Variants in PRKAR2B observed in about 807,000 individuals in gnomAD.
PRKAR2B encodes protein kinase cAMP-dependent type II regulatory subunit beta, also known as cAMP-dependent protein kinase type II-beta regulatory subunit.
A neutral mutation model predicts 49.9 loss-of-function variants in PRKAR2B; 14 were observed. The observed-to-expected ratio is 0.28, with a 90% confidence interval of 0.19 to 0.44. PRKAR2B has a LOEUF of 0.44. Among genes scored for constraint, PRKAR2B ranks in the 20% least tolerant of loss-of-function variants. The pLI is 1.00. For missense variants in PRKAR2B, 393 were observed against 537.9 expected (o/e 0.73, Z 2.67); for synonymous variants, 196 against 197.7 (o/e 0.99, Z 0.07).
chr7:107,146,214 A>C, intron 5 of PRKAR2B, 94 bp from the exon 6 acceptor site: 1 of 1,305,998 alleles, frequency 7.7e-7, no homozygotes, highest in Non-Finnish European at 1.1e-6. Context: ...GGCTGGAAAT[A>C]AGATTTTTAT....
chr7:107,128,140 A>T, intron 3 of PRKAR2B, 72 bp from the exon 4 acceptor site: 2 of 982,632 alleles, frequency 2.0e-6, no homozygotes, highest in Non-Finnish European at 1.6e-6. Context: ...GATTTTTGTT[A>T]GTTTTTAAAA....
chr7:107,078,029 C>G (rs1794434084), intron 2 of PRKAR2B: 1 of 152,100 alleles, frequency 6.6e-6, no homozygotes, highest in South Asian at 2.1e-4. Context: ...TGACAAAACC[C>G]TGTCTCTGCT....
intron 10 of PRKAR2B, 118 bp downstream of exon 10, chr7:107,157,442 TAAC>T: frequency 7.6e-7 from 1 of 1,323,318 alleles, no homozygotes; most frequent in Non-Finnish European, 1.0e-6. Context: ...CCACAAAAGG[TAAC>T]AAGATTAGGA....
chr7:107,051,069 G>A (rs1252798581), intron 1 of PRKAR2B, among the ~76,000 whole-genome samples: 1 of 152,164 alleles, frequency 6.6e-6, no homozygotes, highest in Non-Finnish European at 1.5e-5. Flanking sequence ...GTTAATAGAT[G>A]GGGCAGGTGA....
intron 2 of PRKAR2B, among the ~76,000 whole-genome samples, chr7:107,080,397 T>G (rs1423868600): frequency 1.3e-5 from 2 of 152,110 alleles, no homozygotes; most frequent in African/African-American, 4.8e-5. Flanking sequence ...AGGGTAGTAA[T>G]GGACAGAAGG....
At chr7:107,104,638 C>G (rs538045088) in intron 2 of PRKAR2B, among the ~76,000 whole-genome samples, 2 of 152,218 alleles carry the variant, frequency 1.3e-5, no homozygotes, top group Non-Finnish European at 2.9e-5. Flanking sequence ...TACCTTATTT[C>G]TTTTGCCAAT....
Position 107,044,994 on chromosome 7 carries a change from G to T in PRKAR2B, c.87G>T (p.Leu29=). ...TGAGGCACCAGCCCGCGGACCTGCT[G>T]GAGTTCGCGCTGCAGCACTTCACCC... ...EVLRHQPADL[L]EFALQHFTRL... Residue 29 remains leucine, a synonymous_variant, in exon 1 of 11, where the codon CTG becomes CTT. Coordinates refer to ENST00000265717, the MANE Select transcript of PRKAR2B (RefSeq NM_002736.3). The T allele has an allele frequency of 6.4e-7, 1 of 1,560,286 alleles. No homozygotes were observed.
At chr7:107,122,620 TC>T (rs989113311) in intron 3 of PRKAR2B, among the ~76,000 whole-genome samples, 2 of 152,000 alleles carry the variant, frequency 1.3e-5, no homozygotes, top group African/African-American at 4.8e-5. Context: ...TGCGTCACCC[TC>T]CCCCCCTTTT....
Position 107,134,022 on chromosome 7 carries a change from GT to G in PRKAR2B, c.480+5736del, listed in dbSNP as rs367840396. Among the ~76,000 whole-genome samples, 571 of 150,844 alleles carry G rather than the reference GT, an allele frequency of 3.8e-3. 5 individuals carry two copies. The highest frequency in any genetic ancestry group is 0.014 in the African/African-American group (558 of 41,210). Reference sequence around the variant, plus strand: ...CAGAATAGACATACTGTTATGCCCTGTTTTTTTTTGTTGTTGTTGTTGTTTT... The same window carrying G: ...CAGAATAGACATACTGTTATGCCCTGTTTTTTTTGTTGTTGTTGTTGTTTT... On this transcript the variant is annotated intron_variant, in intron 4 of 10. Coordinates refer to ENST00000265717, the MANE Select transcript of PRKAR2B (RefSeq NM_002736.3).
Position 107,044,888 on chromosome 7 carries a change from C to A in PRKAR2B, c.-20C>A. ...AGGGGGCGAGGGCGGCGCCCAGGCG[C>A]CTGCCGCCCCGGAGGCAGGATGAGC... is the stretch of plus-strand genomic sequence containing the variant. On this transcript the variant is annotated 5_prime_UTR_variant, in exon 1 of 11. Coordinates refer to ENST00000265717, the MANE Select transcript of PRKAR2B (RefSeq NM_002736.3). 6.3e-7 allele frequency: 1 copy of A among 1,575,288 alleles called. No homozygotes were observed. The highest frequency in any genetic ancestry group is 1.2e-5 in the South Asian group (1 of 86,872).
At chr7:107,082,831 A>T (rs1284450413) in intron 2 of PRKAR2B, among the ~76,000 whole-genome samples, 2 of 152,120 alleles carry the variant, frequency 1.3e-5, no homozygotes, top group Non-Finnish European at 2.9e-5. Flanking sequence ...TCCTGAGCTC[A>T]AAGAATCCAG....
At chr7:107,048,022 A>G (rs984644496) in intron 1 of PRKAR2B, among the ~76,000 whole-genome samples, 1 of 152,132 alleles carries the variant, frequency 6.6e-6, no homozygotes, top group Admixed American at 6.5e-5. Context: ...AAATGCTTTA[A>G]TTTTTTTGTC....
chr7:107,152,797 G>A (rs144804452), intron 7 of PRKAR2B, among the ~76,000 whole-genome samples: 1 of 152,330 alleles, frequency 6.6e-6, no homozygotes, highest in African/African-American at 2.4e-5. Context: ...CTTTAAATAA[G>A]AGTAGGTCAG....
intron 2 of PRKAR2B, among the ~76,000 whole-genome samples, chr7:107,072,691 A>G (rs770039474): frequency 3.3e-5 from 5 of 152,216 alleles, no homozygotes; most frequent in Non-Finnish European, 5.9e-5. Context: ...GAAGTTTAGT[A>G]ATAGAGATGT....
At chr7:107,059,052 C>T (rs1156434745) in intron 1 of PRKAR2B, among the ~76,000 whole-genome samples, 1 of 152,042 alleles carries the variant, frequency 6.6e-6, no homozygotes, top group Non-Finnish European at 1.5e-5. Context: ...TTGGGGGAGA[C>T]CAAGACGGGC....
At chr7:107,103,444 C>T (rs1043656269) in intron 2 of PRKAR2B, among the ~76,000 whole-genome samples, 4 of 152,182 alleles carry the variant, frequency 2.6e-5, no homozygotes, top group Non-Finnish European at 5.9e-5. Flanking sequence ...ACAAGAAAAG[C>T]ACACACATAC....
At chr7:107,052,433 T>C (rs1793826167) in intron 1 of PRKAR2B, among the ~76,000 whole-genome samples, 1 of 152,186 alleles carries the variant, frequency 6.6e-6, no homozygotes, top group African/African-American at 2.4e-5. Context: ...AATAAATAAA[T>C]GGTGTCCTTT....
chr7:107,062,996 A>G (rs1794055520), intron 1 of PRKAR2B, among the ~76,000 whole-genome samples: 1 of 151,998 alleles, frequency 6.6e-6, no homozygotes, highest in Non-Finnish European at 1.5e-5. Flanking sequence ...CAATACTTGT[A>G]TACATAACAT....
intron 5 of PRKAR2B, among the ~76,000 whole-genome samples, chr7:107,142,760 A>G (rs116695179): frequency 0.13 from 19,574 of 150,884 alleles, 1,556 homozygotes; most frequent in African/African-American, 0.22. Context: ...ACAGCCCAAG[A>G]TTTTTTGTTT....
Sources: gnomAD v4.1 joint callset for allele counts (sites outside exome capture counted in the v4.1 genomes callset) on GRCh38, gnomAD v4.1.1 for gene constraint, MANE v1.5 for transcripts, NCBI Gene and HGNC (gene_info 2026-07-23, HGNC 2026-07-21) for gene names.